DLG3: variants seen among roughly 807,000 people sequenced by gnomAD.
DLG3 encodes disks large homolog 3.
DLG3 carries 1 observed loss-of-function variant against 64.1 expected under a neutral mutation model. The ratio of observed to expected loss-of-function variants is 0.02; its 90% CI spans 0.01 to 0.07. DLG3 has a LOEUF of 0.07. Ranked by LOEUF, DLG3 falls within the 10% of genes least tolerant of loss-of-function variation. DLG3 has a pLI of 1.00. For missense variants in DLG3, 429 were observed against 669.5 expected (o/e 0.64, Z 3.96); for synonymous variants, 245 against 259.8 (o/e 0.94, Z 0.55).
intron 1 of DLG3, among the ~76,000 whole-genome samples, chrX:70,447,998 G>C (rs2086584026): frequency 8.9e-6 from 1 of 111,919 alleles, no homozygotes; most frequent in African/African-American, 3.3e-5. Context: ...CCCTGCTCCA[G>C]TCCCACCCGT....
intron 7 of DLG3, chrX:70,452,246 C>T (rs2086626873): frequency 9.3e-7 from 1 of 1,070,749 alleles, no homozygotes; most frequent in Non-Finnish European, 1.2e-6. Flanking sequence ...GGGGGAGTGC[C>T]GAGTGAGTGG....
At position 70,462,243 on chromosome X, in the gene DLG3, C is replaced by CTTT. The variant is rs141689653; in HGVS notation, c.1405+7949_1405+7951dup. On this transcript the variant is annotated intron_variant, in intron 9 of 18. Transcript: ENST00000374360. ...GTACTTAATTCCTTTTTCTTTCTTT[C>CTTT]TTTTTTTTTTTTTTTTTTTTTTTTG... Among the ~76,000 whole-genome samples the CTTT allele has an allele frequency of 6.2e-3, 293 of 46,900 alleles. 1 individual carries two copies. The highest frequency in any genetic ancestry group is 0.02 in the Middle Eastern group (1 of 51). The allele number at this position is 46,900 out of a possible 115,157, so 40.7% of individuals were successfully genotyped here. A position where few individuals can be genotyped will look rare whatever the true frequency, so the allele number is the denominator to read the frequency against.
rs758372897 is a variant in DLG3, at chrX:70,445,420, C to T, written c.219C>T (p.Ala73=). ...AGATPTPRTK[A]KLIPTGRDVG... ...CCACCCCCACCCCTCGCACCAAGGC[C>T]AAGCTCATCCCCACCGGCCGGGATG... is the stretch of plus-strand genomic sequence containing the variant. Residue 73 remains alanine (A), a synonymous_variant, in exon 1 of 19, where the codon GCC becomes GCT. Coordinates refer to ENST00000374360, the MANE Select transcript of DLG3 (RefSeq NM_021120.4). The T allele has an allele frequency of 2.5e-6, 3 of 1,194,112 alleles. No individual in the cohort carries two copies. In the Admixed American group the frequency reaches 6.8e-5, roughly 27 times the overall value.
chrX:70,502,058 G>C, intron 18 of DLG3, 105 bp from the exon 19 acceptor site: 2 of 611,015 alleles, frequency 3.3e-6, no homozygotes, highest in South Asian at 2.4e-5. Context: ...GAGGGGTGAG[G>C]GGGTGGAGGG....
chrX:70,451,976 C>A lies in DLG3; in HGVS notation c.1095C>A (p.Thr365=), dbSNP rs748190753. Reference sequence around the variant, plus strand: ...CTGCTCCTCCTCAGGTTCCCCCCACCCGCTACTCTCCTATTCCCAGGCACA... The same window carrying A: ...CTGCTCCTCCTCAGGTTCCCCCCACACGCTACTCTCCTATTCCCAGGCACA... The part of the protein sequence containing the change: ...SYPAPPQVPP[T]RYSPIPRHML... Residue 365 remains threonine (T), a synonymous_variant, in exon 7 of 19, where the codon ACC becomes ACA. Coordinates refer to ENST00000374360, the MANE Select transcript of DLG3 (RefSeq NM_021120.4). 8.3e-7 allele frequency: 1 copy of A among 1,211,334 alleles called. No individual in the cohort carries two copies. The highest frequency in any genetic ancestry group is 1.8e-5 in the South Asian group (1 of 56,862).
At chrX:70,474,178 T>G (rs2087015592) in intron 9 of DLG3, among the ~76,000 whole-genome samples, 1 of 111,855 alleles carries the variant, frequency 8.9e-6, no homozygotes, top group Non-Finnish European at 1.9e-5. Flanking sequence ...TAAAATTCTT[T>G]AGTGCTCATT....
intron 1 of DLG3, 113 bp from the exon 2 acceptor site, chrX:70,448,800 G>T: frequency 2.0e-6 from 2 of 1,010,335 alleles, no homozygotes; most frequent in Non-Finnish European, 2.8e-6. Context: ...GGTGACCTGG[G>T]GTGCACTTGG....
In DLG3 at chrX:70,502,494, G is replaced by A; in HGVS notation, c.*225G>A. 2.8e-6 allele frequency: 1 copy of A among 357,637 alleles called. No homozygotes were observed. Among genetic ancestry groups the A allele is most frequent in the Non-Finnish European group, 4.9e-6 (1 of 203,673 alleles). The allele number at this position is 357,637 out of a possible 1,213,427, so 29.5% of individuals were successfully genotyped here. On this transcript the variant is annotated 3_prime_UTR_variant, in exon 19 of 19. Coordinates refer to ENST00000374360, the MANE Select transcript of DLG3 (RefSeq NM_021120.4). ...GATGATGCCATCTCATTCATCATGT[G>A]ACTGTGCCCATTCCTGCATGGACCT... is the stretch of plus-strand genomic sequence containing the variant.
intron 9 of DLG3, among the ~76,000 whole-genome samples, chrX:70,457,461 T>A (rs886461473): frequency 2.7e-5 from 3 of 112,325 alleles, no homozygotes; most frequent in Non-Finnish European, 5.6e-5. Context: ...GTCTCCTTTT[T>A]AAAATGGTGT....
chrX:70,498,239 G>C (rs966229709), intron 13 of DLG3, among the ~76,000 whole-genome samples: 3 of 112,834 alleles, frequency 2.7e-5, no homozygotes, highest in Admixed American at 9.3e-5. Context: ...TACAAGAAGA[G>C]TTCCTCACAA....
rs896616842 is a variant in DLG3 at position 70,500,682 on chromosome X, CTG to C, written c.2255+105_2255+106del. 7.8e-6 allele frequency: 6 copies of C among 769,515 alleles called. No individual in the cohort carries two copies. The African/African-American group carries it at 8.3e-5, about 11-fold the overall frequency. 63.4% of individuals were successfully genotyped at this position (769,515 alleles called of 1,213,427 possible). On this transcript the variant is annotated intron_variant, in intron 17 of 18. Transcript: ENST00000374360. ...GCTGGGCAGAAACTTGAAAGAAACT[CTG>C]TGCCCCAGCTCTGGTCACTGGGCGC...
chrX:70,487,613 A>T (rs766959632), intron 10 of DLG3, among the ~76,000 whole-genome samples: 11 of 111,929 alleles, frequency 9.8e-5, no homozygotes, highest in Non-Finnish European at 2.1e-4. Flanking sequence ...TTGTTCTTGT[A>T]TCTCCCATGT....
chrX:70,451,242 C>T (rs1209328786), intron 6 of DLG3, among the ~76,000 whole-genome samples: 2 of 111,717 alleles, frequency 1.8e-5, no homozygotes, highest in Admixed American at 1.9e-4. Context: ...GCTGGGATTA[C>T]AGGTGCCTGC....
chrX:70,461,367 T>G, intron 9 of DLG3, among the ~76,000 whole-genome samples: 2 of 112,204 alleles, frequency 1.8e-5, no homozygotes, highest in Middle Eastern at 4.6e-3. Flanking sequence ...TTTGTTTTGC[T>G]TCGTCCCCTG....
Position 70,504,820 on chromosome X carries a change from G to C in DLG3, c.*2551G>C, listed in dbSNP as rs2087625691. 8.9e-6 allele frequency: 1 copy of C among 112,488 alleles called. No individual in the cohort carries two copies. Among genetic ancestry groups the C allele is most frequent in the African/African-American group, 3.2e-5 (1 of 30,836 alleles). 9.3% of individuals were successfully genotyped at this position (112,488 alleles called of 1,213,427 possible). A position where few individuals can be genotyped will look rare whatever the true frequency, so the allele number is the denominator to read the frequency against. ...TGGGATGGGCCCATTTGCAGAGCAG[G>C]ACAGCAGTCATCCCCATAGCCCTCT... On this transcript the variant is annotated 3_prime_UTR_variant, in exon 19 of 19. Coordinates refer to ENST00000374360, the MANE Select transcript of DLG3 (RefSeq NM_021120.4).
chrX:70,445,704 G>C, intron 1 of DLG3, 146 bp downstream of exon 1: 1 of 549,797 alleles, frequency 1.8e-6, no homozygotes, highest in Non-Finnish European at 3.0e-6. Context: ...AAAGAGAGGC[G>C]GTGGGAAATG....
intron 11 of DLG3, 112 bp from the exon 12 acceptor site, chrX:70,492,409 C>T: frequency 3.6e-6 from 4 of 1,117,003 alleles, no homozygotes; most frequent in Non-Finnish European, 4.9e-6. Context: ...AGAGTCGGTA[C>T]TCAACATGGT....
intron 10 of DLG3, among the ~76,000 whole-genome samples, chrX:70,488,304 C>T (rs1334385716): frequency 1.8e-5 from 2 of 111,747 alleles, no homozygotes; most frequent in Non-Finnish European, 3.8e-5. Context: ...GCCACTGCAC[C>T]CGGCCGATAA....
intron 9 of DLG3, among the ~76,000 whole-genome samples, chrX:70,472,922 C>G (rs759463318): frequency 9.0e-6 from 1 of 110,743 alleles, no homozygotes; most frequent in Non-Finnish European, 1.9e-5. Flanking sequence ...TTTGGGAGGC[C>G]GAGGTGGGCA....
Sources: allele counts gnomAD v4.1 joint callset (sites outside exome capture counted in the v4.1 genomes callset), GRCh38; gene constraint gnomAD v4.1.1; transcripts MANE v1.5; gene names NCBI Gene and HGNC (gene_info 2026-07-23, HGNC 2026-07-21).